The following PTPRO variants were observed in gnomAD, a reference collection of about 807,000 sequenced individuals.
PTPRO encodes the protein protein tyrosine phosphatase receptor type O, also known as receptor-type tyrosine-protein phosphatase O.
PTPRO carries 62 observed loss-of-function variants against 145.2 expected under a neutral mutation model. That is an observed-to-expected ratio of 0.43 (90% confidence interval 0.35 to 0.53). The LOEUF is 0.53. Ranked by LOEUF, PTPRO falls within the 20% of genes least tolerant of loss-of-function variation. The pLI is 0.01. For missense variants in PTPRO, 1,345 were observed against 1,482.7 expected, an observed-to-expected ratio of 0.91 and a Z score of 1.53; for synonymous variants, 565 against 514.7, an observed-to-expected ratio of 1.10 and a Z score of -1.32.
At chr12:15,451,580 G>A (rs1270893192) in intron 1 of PTPRO, among the ~76,000 whole-genome samples, 1 of 152,136 alleles carries the variant, frequency 6.6e-6, no homozygotes, top group Non-Finnish European at 1.5e-5. Flanking sequence ...CTCCAAGATA[G>A]ACCAGATGAT....
chr12:15,467,132 C>G (rs190080322), intron 1 of PTPRO, among the ~76,000 whole-genome samples: 143 of 152,210 alleles, frequency 9.4e-4, no homozygotes, highest in African/African-American at 3.3e-3. Flanking sequence ...ACAAAGTAGG[C>G]TCTCAATAAA....
chr12:15,350,062 AG>A (rs549406285), intron 1 of PTPRO, among the ~76,000 whole-genome samples: 87 of 152,348 alleles, frequency 5.7e-4, no homozygotes, highest in African/African-American at 1.5e-3. Context: ...ACTGAAGAGA[AG>A]GATTTGAAAA....
chr12:15,383,369 A>G (rs1297827792), intron 1 of PTPRO, among the ~76,000 whole-genome samples: 1 of 152,152 alleles, frequency 6.6e-6, no homozygotes, highest in Non-Finnish European at 1.5e-5. Flanking sequence ...CTATTTGTCT[A>G]TTGATGGATG....
At position 15,589,446 on chromosome 12, in the gene PTPRO, C is replaced by A; in HGVS notation, c.3411-9C>A. The A allele has an allele frequency of 6.2e-7, 1 of 1,613,750 alleles. No individual in the cohort carries two copies. The highest frequency in any genetic ancestry group is 2.2e-5 in the East Asian group (1 of 44,862). On this transcript the variant is annotated splice_polypyrimidine_tract_variant and intron_variant, in intron 24 of 26. Coordinates refer to ENST00000281171, the MANE Select transcript of PTPRO (RefSeq NM_030667.3). ...CTGAATAATATGCCATCGGAACATT[C>A]TTTTGCAGTGCTGGCGTGGGACGGA...
chr12:15,451,652 G>A (rs1941049103), intron 1 of PTPRO, among the ~76,000 whole-genome samples: 1 of 152,084 alleles, frequency 6.6e-6, no homozygotes, highest in Admixed American at 6.5e-5. Context: ...CACTCTCTCA[G>A]ACCACAATGG....
chr12:15,457,733 A>G (rs2136390824), intron 1 of PTPRO, among the ~76,000 whole-genome samples: 1 of 152,326 alleles, frequency 6.6e-6, no homozygotes, highest in East Asian at 1.9e-4. Flanking sequence ...TTTCAATCAC[A>G]TACAAAAATC....
intron 1 of PTPRO, among the ~76,000 whole-genome samples, chr12:15,369,446 T>C (rs1235483865): frequency 6.6e-6 from 1 of 152,212 alleles, no homozygotes; most frequent in Non-Finnish European, 1.5e-5. Context: ...AGTCATATCG[T>C]CATGGTTTGT....
rs549188819 is a variant in PTPRO, at chr12:15,399,249, T to G, written c.75+76448T>G. Among the ~76,000 whole-genome samples the G allele has an allele frequency of 7.2e-5, 11 of 152,348 alleles. No homozygotes were observed. In the South Asian group the frequency reaches 2.3e-3, roughly 32 times the overall value. The stretch of plus-strand genomic sequence containing the variant: ...AATAATCCCTCACAATAAAATTCCC[T>G]GCCAAGGCACTATTCTGAGCTTTTT... On this transcript the variant is annotated intron_variant, in intron 1 of 26. Coordinates refer to ENST00000281171, the MANE Select transcript of PTPRO (RefSeq NM_030667.3).
chr12:15,508,366 G>A (rs539671161), intron 6 of PTPRO, among the ~76,000 whole-genome samples: 6 of 152,226 alleles, frequency 3.9e-5, no homozygotes, highest in East Asian at 1.9e-4. Context: ...TGTTATTGCC[G>A]AGGCTGCTGT....
intron 12 of PTPRO, among the ~76,000 whole-genome samples, chr12:15,534,624 A>G (rs1055881896): frequency 6.6e-6 from 1 of 152,214 alleles, no homozygotes; most frequent in African/African-American, 2.4e-5. Context: ...TGGTCTGAAT[A>G]ACAAGAAGAA....
chr12:15,575,644 T>G (rs1944167121), intron 19 of PTPRO, among the ~76,000 whole-genome samples: 1 of 152,232 alleles, frequency 6.6e-6, no homozygotes, highest in Non-Finnish European at 1.5e-5. Context: ...GCTACTGGGT[T>G]TGGGTGACCG....
intron 1 of PTPRO, among the ~76,000 whole-genome samples, chr12:15,440,760 C>A (rs780802503): frequency 1.3e-5 from 2 of 151,954 alleles, no homozygotes; most frequent in Non-Finnish European, 2.9e-5. Flanking sequence ...TTTAAGCCAA[C>A]AACAGTAAAA....
In PTPRO at chr12:15,501,715, A is replaced by C. The variant is rs749490144; in HGVS notation, c.757A>C (p.Met253Leu). The change falls in exon 5 of 27, where the codon ATG becomes CTG. Residue 253 changes from methionine to leucine, a missense_variant. Around this residue, in one of 3 missense-constraint regions of PTPRO, gnomAD observed 1,130 missense variants for 1,214.7 expected, o/e 0.93. Coordinates refer to ENST00000281171, the MANE Select transcript of PTPRO (RefSeq NM_030667.3). ...QSGNFPEESF[M>L]RSQDTIGKEK... ...TGGCAATTTCCCAGAAGAATCCTTC[A>C]TGAGATCACAAGATACAATAGGAAA... 4 of 1,613,864 alleles carry C rather than the reference A, an allele frequency of 2.5e-6. No homozygotes were observed. The Admixed American group carries it at 5.0e-5, about 20-fold the overall frequency.
intron 1 of PTPRO, among the ~76,000 whole-genome samples, chr12:15,437,811 A>C (rs569999727): frequency 6.6e-6 from 1 of 152,302 alleles, no homozygotes; most frequent in African/African-American, 2.4e-5. Context: ...GTAGCCACCC[A>C]CTGGATTCTC....
At chr12:15,513,504 G>T (rs564318555) in intron 7 of PTPRO, among the ~76,000 whole-genome samples, 1 of 152,168 alleles carries the variant, frequency 6.6e-6, no homozygotes, top group South Asian at 2.1e-4. Flanking sequence ...TTGGTATATG[G>T]CTCCTTTTAC....
chr12:15,410,505 T>G (rs964488069), intron 1 of PTPRO: 1 of 151,664 alleles, frequency 6.6e-6, no homozygotes, highest in South Asian at 2.1e-4. Flanking sequence ...GGCCTTGAGA[T>G]TTAGCCTGGA....
At chr12:15,431,813 T>G (rs1332652519) in intron 1 of PTPRO, among the ~76,000 whole-genome samples, 1 of 152,192 alleles carries the variant, frequency 6.6e-6, no homozygotes, top group African/African-American at 2.4e-5. Flanking sequence ...ATTCTTATTT[T>G]ATTATTTCTT....
intron 1 of PTPRO, among the ~76,000 whole-genome samples, chr12:15,353,697 G>T (rs1937887398): frequency 6.6e-6 from 1 of 152,154 alleles, no homozygotes; most frequent in African/African-American, 2.4e-5. Context: ...AGATGCTATT[G>T]TTCTTTGGCT....
chr12:15,353,428 A>G (rs1046167078), intron 1 of PTPRO, among the ~76,000 whole-genome samples: 5 of 151,174 alleles, frequency 3.3e-5, no homozygotes, highest in East Asian at 1.9e-4. Flanking sequence ...TTTTTTTTAC[A>G]TTATTAAGTG....
Sources: allele counts gnomAD v4.1 joint callset (sites outside exome capture counted in the v4.1 genomes callset), GRCh38; gene constraint gnomAD v4.1.1; regional missense constraint gnomAD v4.1.1; transcripts MANE v1.5; gene names NCBI Gene and HGNC (gene_info 2026-07-23, HGNC 2026-07-21).